The following ADGRF1 variants were observed in gnomAD, a reference collection of about 807,000 sequenced individuals.
The protein encoded by ADGRF1 is G protein-coupled receptor 110.
In ADGRF1, 85 loss-of-function variants were observed where a neutral mutation model predicts 87.2. That is an observed-to-expected ratio of 0.97 (90% CI 0.82 to 1.17). ADGRF1 has a LOEUF of 1.17. Among genes scored for constraint, ADGRF1 ranks in the 50% most tolerant of loss-of-function variants. The pLI is 0.00. For missense variants in ADGRF1, 1,169 were observed against 1,077.2 expected (o/e 1.09, Z -1.19); for synonymous variants, 430 against 408.8 (o/e 1.05, Z -0.63).
intron 11 of ADGRF1, 91 bp downstream of exon 11, chr6:47,008,854 T>G: frequency 6.2e-4 from 659 of 1,061,758 alleles, no homozygotes; most frequent in Non-Finnish European, 8.1e-4. Flanking sequence ...GGCAGGGAGA[T>G]GAGATAATCT....
chr6:47,040,250 G>T (rs1413635757), intron 1 of ADGRF1, among the ~76,000 whole-genome samples: 1 of 152,092 alleles, frequency 6.6e-6, no homozygotes, highest in African/African-American at 2.4e-5. Context: ...GGATCACGAG[G>T]TCAGGAGATC....
chr6:47,042,103 G>A (rs1483004822), intron 1 of ADGRF1, 88 bp downstream of exon 1: 1 of 151,744 alleles, frequency 6.6e-6, no homozygotes, highest in South Asian at 2.1e-4. Context: ...TTTTTTTCAA[G>A]GAGAGAAAAA....
chr6:47,002,207 T>C (rs1276177429), intron 13 of ADGRF1, among the ~76,000 whole-genome samples: 1 of 152,226 alleles, frequency 6.6e-6, no homozygotes, highest in Non-Finnish European at 1.5e-5. Flanking sequence ...AATGCCTTTG[T>C]GTGCCAGATG....
intron 1 of ADGRF1, among the ~76,000 whole-genome samples, chr6:47,031,801 A>T (rs1780439688): frequency 6.6e-6 from 1 of 152,154 alleles, no homozygotes; most frequent in Non-Finnish European, 1.5e-5. Flanking sequence ...GTCATGGCTC[A>T]CTGCAGCCTT....
At chr6:47,014,943 T>C in intron 8 of ADGRF1, 99 bp from the exon 9 acceptor site, 3 of 1,401,632 alleles carry the variant, frequency 2.1e-6, no homozygotes, top group African/African-American at 2.9e-5. Context: ...GAACTCATTT[T>C]TGGAGATGAA....
Position 46,998,244 on chromosome 6 carries a change from G to A in ADGRF1, c.*1978C>T, listed in dbSNP as rs1028424461. 6.6e-6 allele frequency: 1 copy of A among 152,166 alleles called. No individual in the cohort carries two copies. Among genetic ancestry groups the A allele is most frequent in the South Asian group, 2.1e-4 (1 of 4,822 alleles). 9.4% of individuals were successfully genotyped at this position (152,166 alleles called of 1,614,324 possible). ...GTAATTGTGTGTAATAAGAGAGGGA[G>A]CATTCAAGAACTCCCATAGAAATTC... On this transcript the variant is annotated 3_prime_UTR_variant, in exon 15 of 15. Coordinates refer to ENST00000371253, the MANE Select transcript of ADGRF1 (RefSeq NM_153840.4).
At chr6:47,013,081 G>A in intron 9 of ADGRF1, 3 of 985,412 alleles carry the variant, frequency 3.0e-6, no homozygotes, top group Non-Finnish European at 3.6e-6. Context: ...CCTAGATTTG[G>A]AATTTTACTT....
At chr6:47,017,881 G>C (rs1463764618) in intron 7 of ADGRF1, 1 of 152,752 alleles carries the variant, frequency 6.5e-6, no homozygotes, top group African/African-American at 2.4e-5. Context: ...GAAGGGACTT[G>C]CACAAGCGTT....
chr6:47,014,819 T>C lies in ADGRF1; in HGVS notation c.789A>G (p.Gly263=). 1 of 1,610,042 alleles carries C rather than the reference T, an allele frequency of 6.2e-7. No homozygotes were observed. Among genetic ancestry groups the C allele is most frequent in the East Asian group, 2.2e-5 (1 of 44,722 alleles). ...TATATTCATCATCCTTGGACCCAAA[T>C]CCAAAGACAATGTCATTACACTGGG... ...GKAQCNDIVF[G]FGSKDDEYTL... The change falls in exon 9 of 15, where the codon GGA becomes GGG. Residue 263 remains glycine, a synonymous_variant. Coordinates refer to ENST00000371253, the MANE Select transcript of ADGRF1 (RefSeq NM_153840.4).
chr6:47,032,459 A>T (rs1435165292), intron 1 of ADGRF1, among the ~76,000 whole-genome samples: 1 of 152,228 alleles, frequency 6.6e-6, no homozygotes, highest in African/African-American at 2.4e-5. Flanking sequence ...TTTGTGTCTT[A>T]TCTGAAATTC....
chr6:47,001,400 T>G, intron 14 of ADGRF1, 101 bp downstream of exon 14: 1 of 936,964 alleles, frequency 1.1e-6, no homozygotes, highest in Non-Finnish European at 1.6e-6. Context: ...CCCACACTTC[T>G]CACATGAGTT....
intron 1 of ADGRF1, among the ~76,000 whole-genome samples, chr6:47,039,733 C>T (rs1001987742): frequency 6.6e-6 from 1 of 150,878 alleles, no homozygotes; most frequent in Admixed American, 6.6e-5. Flanking sequence ...AGACCAAGGC[C>T]GGTGGATTAC....
chr6:47,010,226 C>A lies in ADGRF1; in HGVS notation c.1209G>T (p.Arg403=), dbSNP rs1779665913. The A allele has an allele frequency of 3.1e-6, 5 of 1,613,948 alleles. No homozygotes were observed. The highest frequency in any genetic ancestry group is 4.5e-5 in the East Asian group (2 of 44,866). Reference sequence around the variant, plus strand: ...TGATGTTTTCTAATGTCTCTAGTAACCGTGAGCTGGCATACTTTTCTTCCC... The same window carrying A: ...TGATGTTTTCTAATGTCTCTAGTAAACGTGAGCTGGCATACTTTTCTTCCC... ...LLREEKYASS[R]LLETLENIST... Residue 403 remains arginine, a synonymous_variant, in exon 11 of 15, where the codon CGG becomes CGT. Transcript: ENST00000371253.
intron 13 of ADGRF1, among the ~76,000 whole-genome samples, chr6:47,005,480 A>G (rs1182096526): frequency 6.6e-6 from 1 of 152,240 alleles, no homozygotes; most frequent in Admixed American, 6.5e-5. Context: ...AGTCAGATGA[A>G]GAAAAGGGCC....
chr6:47,022,691 G>A (rs971886785), intron 5 of ADGRF1, among the ~76,000 whole-genome samples: 1 of 151,936 alleles, frequency 6.6e-6, no homozygotes, highest in African/African-American at 2.4e-5. Flanking sequence ...CATCTCCACG[G>A]TACTGTGGGA....
chr6:47,036,490 A>G (rs562664640), intron 1 of ADGRF1, among the ~76,000 whole-genome samples: 97 of 152,332 alleles, frequency 6.4e-4, no homozygotes, highest in African/African-American at 2.3e-3. Context: ...GGATGGAAAC[A>G]CAAATGATCA....
At chr6:47,031,846 C>T (rs1780440748) in intron 1 of ADGRF1, among the ~76,000 whole-genome samples, 1 of 152,138 alleles carries the variant, frequency 6.6e-6, no homozygotes, top group Non-Finnish European at 1.5e-5. Context: ...CCCACCTCAG[C>T]CTGCCGAGTA....
intron 10 of ADGRF1, 84 bp downstream of exon 10, chr6:47,011,923 T>C (rs1779718155): frequency 3.9e-6 from 5 of 1,270,886 alleles, no homozygotes; most frequent in Non-Finnish European, 4.4e-6. Flanking sequence ...TCTTTTCCAA[T>C]AGTTCCCCAT....
In ADGRF1 at chr6:47,009,839, A is replaced by G. The variant is rs760162530; in HGVS notation, c.1596T>C (p.Pro532=). The G allele has an allele frequency of 6.2e-7, 1 of 1,614,132 alleles. No homozygotes were observed. The highest frequency in any genetic ancestry group is 8.5e-7 in the Non-Finnish European group (1 of 1,180,002). The change falls in exon 11 of 15, where the codon CCT becomes CCC. Residue 532 remains proline (P), a synonymous_variant. Transcript: ENST00000371253. ...FSKIESNLSQ[P]HCVFWDFSHL... The stretch of plus-strand genomic sequence containing the variant: ...GACTGAAATCCCAAAACACACAATG[A>G]GGCTGGCTCAGGTTTGACTCTATCT...
Sources: gnomAD v4.1 joint callset for allele counts (sites outside exome capture counted in the v4.1 genomes callset) on GRCh38, gnomAD v4.1.1 for gene constraint, MANE v1.5 for transcripts, NCBI Gene and HGNC (gene_info 2026-07-23, HGNC 2026-07-21) for gene names.